SI: variants seen among roughly 807,000 people sequenced by gnomAD.
SI encodes sucrase-isomaltase, intestinal.
In SI, 235 loss-of-function variants were observed where a neutral mutation model predicts 253.3. The observed-to-expected ratio is 0.93, with a 90% CI of 0.83 to 1.03. SI has a LOEUF of 1.03. SI is among the 50% of genes least tolerant of loss of function. SI has a pLI of 0.00. For synonymous variants in SI, 819 were observed against 712.0 expected, an observed-to-expected ratio of 1.15 and a Z score of -2.39; for missense variants, 2,442 against 2,211.1, an observed-to-expected ratio of 1.10 and a Z score of -2.09.
At position 164,992,352 on chromosome 3, in the gene SI, T is replaced by C. The variant is rs1227548618; in HGVS notation, c.4887A>G (p.Leu1629=). The C allele has an allele frequency of 6.2e-7, 1 of 1,613,184 alleles. No homozygotes were observed. The highest frequency in any genetic ancestry group is 8.5e-7 in the Non-Finnish European group (1 of 1,179,470). The part of the protein sequence containing the change: ...KPTWDIFKQF[L]WGPAFMVTPV... ...GGGTAACCATAAATGCTGGACCCCA[T>C]AAGAACTGCTTGAATATATCCCAGG... Residue 1629 remains leucine, a synonymous_variant, in exon 42 of 48, where the codon TTA becomes TTG. Transcript: ENST00000264382.
chr3:165,036,035 C>T (rs1046963309), intron 22 of SI, among the ~76,000 whole-genome samples: 38 of 151,682 alleles, frequency 2.5e-4, no homozygotes, highest in African/African-American at 8.2e-4. Flanking sequence ...TTTACAGTAA[C>T]AAAATTTTAG....
At chr3:165,087,164 T>C in the SI span, among the ~76,000 whole-genome samples, 3 of 141,028 alleles carry the variant, frequency 2.1e-5, no homozygotes, top group African/African-American at 7.7e-5. Context: ...AACAAAAAAC[T>C]GTCTTGGAGA....
At chr3:165,047,770 C>T (rs1015648261) in intron 15 of SI, among the ~76,000 whole-genome samples, 3 of 151,692 alleles carry the variant, frequency 2.0e-5, no homozygotes, top group Non-Finnish European at 4.4e-5. Context: ...GTGATGACTC[C>T]AATTATATAT....
rs779003545 is a variant in SI at position 165,068,688 on chromosome 3, A to G, written c.483+34T>C. 1.0e-5 allele frequency: 15 copies of G among 1,464,970 alleles called. No homozygotes were observed. The African/African-American group carries it at 1.7e-4, about 16-fold the overall frequency. 90.7% of individuals were successfully genotyped at this position (1,464,970 alleles called of 1,614,324 possible). On this transcript the variant is annotated intron_variant, in intron 5 of 47. Transcript: ENST00000264382. ...GCGCCCAGCCCATCAAATGTCTTTT[A>G]GTATTAAATCTTTGGAAACCTTAAA...
intron 28 of SI, among the ~76,000 whole-genome samples, chr3:165,018,339 A>T (rs1189631778): frequency 1.3e-5 from 2 of 150,704 alleles, no homozygotes; most frequent in African/African-American, 4.8e-5. Flanking sequence ...GTATTAATAT[A>T]CAATATGTAA....
intron 24 of SI, among the ~76,000 whole-genome samples, chr3:165,031,709 T>C (rs1362467292): frequency 6.6e-6 from 1 of 150,766 alleles, no homozygotes; most frequent in Non-Finnish European, 1.5e-5. Flanking sequence ...TTTATGGTAA[T>C]ATTACTAATA....
intron 3 of SI, among the ~76,000 whole-genome samples, chr3:165,069,485 A>G (rs1347293293): frequency 6.6e-6 from 1 of 152,108 alleles, no homozygotes; most frequent in East Asian, 1.9e-4. Flanking sequence ...CTGATCTCTA[A>G]GTAATTATAA....
intron 21 of SI, among the ~76,000 whole-genome samples, chr3:165,036,978 T>G (rs1189802380): frequency 6.6e-6 from 1 of 151,792 alleles, no homozygotes; most frequent in Non-Finnish European, 1.5e-5. Context: ...TGGTTTTTTT[T>G]TTTAGTTACA....
chr3:164,996,739 T>A lies in SI; in HGVS notation c.4574A>T (p.Tyr1525Phe). The change falls in exon 39 of 48, where the codon TAT becomes TTT. Residue 1525 changes from tyrosine (Y) to phenylalanine (F), a missense_variant and splice_region_variant. By Grantham distance (22) the Tyr-to-Phe change is conservative. Transcript: ENST00000264382. Reference protein sequence around the residue: ...MMEFSLFGMSYTGADICGFFN... With the variant: ...MMEFSLFGMSFTGADICGFFN... ...GATAAAAGGAATAAAACTACTTACATATGACATTCCAAACAGACTAAATTC... is the reference window on the plus strand; with the variant it reads ...GATAAAAGGAATAAAACTACTTACAAATGACATTCCAAACAGACTAAATTC... 8.7e-7 allele frequency: 1 copy of A among 1,145,044 alleles called. No individual in the cohort carries two copies. The highest frequency in any genetic ancestry group is 1.3e-6 in the Non-Finnish European group (1 of 765,896). 70.9% of individuals were successfully genotyped at this position (1,145,044 alleles called of 1,614,324 possible). A position where few individuals can be genotyped will look rare whatever the true frequency, so the allele number is the denominator to read the frequency against.
Position 164,979,240 on chromosome 3 carries a change from C to T in SI, c.*122G>A, listed in dbSNP as rs561247164. 4.7e-5 allele frequency: 34 copies of T among 721,956 alleles called. No individual in the cohort carries two copies. The highest frequency in any genetic ancestry group is 3.0e-4 in the East Asian group (12 of 39,746). 44.7% of individuals were successfully genotyped at this position (721,956 alleles called of 1,614,324 possible). ...TGATGTACGCTACAAAATAACTTTT[C>T]GATGTTATGAAAGCTATATTTTGTA... On this transcript the variant is annotated 3_prime_UTR_variant, in exon 48 of 48. Coordinates refer to ENST00000264382, the MANE Select transcript of SI (RefSeq NM_001041.4).
rs776481075 is a variant in SI, at chr3:165,006,770, C to T, written c.4406+46G>A. 5 of 1,551,064 alleles carry T rather than the reference C, an allele frequency of 3.2e-6. No individual in the cohort carries two copies. The African/African-American group carries it at 4.1e-5, about 13-fold the overall frequency. ...AAAATGATAACATTAAATGTAAGAACCAAAGAATAAAAGAGTCAGAGAGGA... is the reference window on the plus strand; with the variant it reads ...AAAATGATAACATTAAATGTAAGAATCAAAGAATAAAAGAGTCAGAGAGGA... On this transcript the variant is annotated intron_variant, in intron 37 of 47. Coordinates refer to ENST00000264382, the MANE Select transcript of SI (RefSeq NM_001041.4).
At chr3:165,059,381 G>A in intron 10 of SI, 82 bp from the exon 11 acceptor site, 3 of 1,322,938 alleles carry the variant, frequency 2.3e-6, no homozygotes, top group Non-Finnish European at 3.3e-6. Context: ...CATTGAACGT[G>A]TATTATAAAC....
intron 13 of SI, 25 bp from the exon 14 acceptor site, chr3:165,049,900 A>G (rs750958565): frequency 1.5e-6 from 2 of 1,374,118 alleles, no homozygotes; most frequent in South Asian, 2.3e-5. Context: ...AATGAAGAAC[A>G]GCAGATTTTA....
chr3:164,994,477 T>G, intron 40 of SI, 72 bp from the exon 41 acceptor site: 1 of 1,510,228 alleles, frequency 6.6e-7, no homozygotes, highest in Non-Finnish European at 9.2e-7. Flanking sequence ...TATTCATATT[T>G]GAAGAACTAA....
At chr3:165,066,356 A>G (rs1187160534) in intron 6 of SI, among the ~76,000 whole-genome samples, 1 of 151,964 alleles carries the variant, frequency 6.6e-6, no homozygotes, top group Non-Finnish European at 1.5e-5. Context: ...GTCTGTATTA[A>G]TGGGATACAA....
intron 3 of SI, among the ~76,000 whole-genome samples, chr3:165,073,152 A>C (rs1258537467): frequency 2.7e-5 from 4 of 150,258 alleles, no homozygotes; most frequent in African/African-American, 9.8e-5. Flanking sequence ...ATAGAATTCT[A>C]TGTTTAGCTT....
chr3:165,062,206 G>C (rs1576917311), intron 9 of SI, among the ~76,000 whole-genome samples, 165 bp downstream of exon 9: 1 of 151,056 alleles, frequency 6.6e-6, no homozygotes, highest in South Asian at 2.1e-4. Flanking sequence ...TCATTGTATA[G>C]GGGAAAAAAA....
chr3:164,979,354 G>A lies in SI; in HGVS notation c.*8C>T, dbSNP rs1717067835. ...TTTCCCATTGACAACTAAAATTGATGGTGATCTTCATGACCAGTTGATTTC... is the reference window on the plus strand; with the variant it reads ...TTTCCCATTGACAACTAAAATTGATAGTGATCTTCATGACCAGTTGATTTC... On this transcript the variant is annotated 3_prime_UTR_variant, in exon 48 of 48. Transcript: ENST00000264382. 6.4e-7 allele frequency: 1 copy of A among 1,553,648 alleles called. No individual in the cohort carries two copies. Among genetic ancestry groups the A allele is most frequent in the African/African-American group, 1.4e-5 (1 of 73,664 alleles).
intron 23 of SI, 149 bp downstream of exon 23, chr3:165,033,246 T>C (rs1020087090): frequency 4.6e-5 from 25 of 546,140 alleles, no homozygotes; most frequent in Non-Finnish European, 6.6e-5. Flanking sequence ...AATTTAAATA[T>C]AACAATTTAA....
Sources: allele counts gnomAD v4.1 joint callset (sites outside exome capture counted in the v4.1 genomes callset), GRCh38; gene constraint gnomAD v4.1.1; transcripts MANE v1.5; gene names NCBI Gene and HGNC (gene_info 2026-07-23, HGNC 2026-07-21).